Variants in DMD observed in about 807,000 individuals in gnomAD.
The protein encoded by DMD is dystrophin.
DMD carries 63 observed loss-of-function variants against 330.1 expected under a neutral mutation model. That is an observed-to-expected ratio of 0.19 (90% confidence interval 0.16 to 0.24). The LOEUF (loss-of-function observed/expected upper bound fraction) is 0.24, where lower values mean the gene tolerates loss of function less well. Among genes scored for constraint, DMD ranks in the 10% least tolerant of loss-of-function variants. DMD has a pLI of 1.00. For missense variants in DMD, 3,344 were observed against 2,684.1 expected (o/e 1.25, Z -5.43); for synonymous variants, 1,223 against 959.8 (o/e 1.27, Z -5.07).
intron 1 of DMD, among the ~76,000 whole-genome samples, chrX:33,246,309 T>C (rs1186163429): frequency 8.9e-6 from 1 of 111,856 alleles, no homozygotes; most frequent in African/African-American, 3.3e-5. Flanking sequence ...CATTCTGCCA[T>C]CTAGTCCTCA....
At chrX:33,305,338 G>A (rs1382088122) in intron 1 of DMD, among the ~76,000 whole-genome samples, 1 of 102,239 alleles carries the variant, frequency 9.8e-6, no homozygotes, top group East Asian at 3.1e-4. Flanking sequence ...AACACCGCAT[G>A]TTCTCACTCA....
At chrX:31,737,337 G>A (rs1441565424) in intron 51 of DMD, among the ~76,000 whole-genome samples, 1 of 112,603 alleles carries the variant, frequency 8.9e-6, no homozygotes, top group East Asian at 2.8e-4. Flanking sequence ...ATACAAAAGG[G>A]GAAATTAACT....
intron 2 of DMD, among the ~76,000 whole-genome samples, chrX:33,001,008 G>T (rs4110512): frequency 0.4 from 43,416 of 109,761 alleles, 6,486 homozygotes; most frequent in East Asian, 0.48. Context: ...TTATTCCATT[G>T]TTTATTATAA....
chrX:31,420,513 C>T (rs1255639568), intron 60 of DMD, among the ~76,000 whole-genome samples: 1 of 112,378 alleles, frequency 8.9e-6, no homozygotes. Flanking sequence ...AAACTCTCAC[C>T]TGACATCTGT....
intron 53 of DMD, among the ~76,000 whole-genome samples, chrX:31,660,237 T>C (rs2081048272): frequency 8.9e-6 from 1 of 112,243 alleles, no homozygotes; most frequent in Non-Finnish European, 1.9e-5. Context: ...CCGCGTGGAA[T>C]GCCTGCCTTT....
rs773387216 is a variant in DMD, at chrX:31,323,636, C to A, written c.9186G>T (p.Glu3062Asp). 1.7e-6 allele frequency: 2 copies of A among 1,210,422 alleles called. No individual in the cohort carries two copies. The highest frequency in any genetic ancestry group is 2.2e-6 in the Non-Finnish European group (2 of 894,657). Residue 3062 changes from glutamate to aspartate, a missense_variant, in exon 62 of 79, where the codon GAG becomes GAT. Glu to Asp is a conservative substitution (Grantham distance 45). Coordinates refer to ENST00000357033, the MANE Select transcript of DMD (RefSeq NM_004006.3). ...FLSTSVQGPW[E>D]RAISPNKVPY... Reference sequence around the variant, plus strand: ...GCACTTTGTTTGGCGAGATGGCTCTCTCCCAGGGACCCTGGACAGACGCTG... The same window carrying A: ...GCACTTTGTTTGGCGAGATGGCTCTATCCCAGGGACCCTGGACAGACGCTG...
In DMD at chrX:32,011,433, G is replaced by T. The variant is rs1293896; in HGVS notation, c.6439-42919C>A. On this transcript the variant is annotated intron_variant, in intron 44 of 78. Coordinates refer to ENST00000357033, the MANE Select transcript of DMD (RefSeq NM_004006.3). Reference sequence around the variant, plus strand: ...TTTCCCTTAAGATCATGTCCCCCTGGGAACTACATTTCCCAGACTCATATG... The same window carrying T: ...TTTCCCTTAAGATCATGTCCCCCTGTGAACTACATTTCCCAGACTCATATG... Among the ~76,000 whole-genome samples, 6 of 110,655 alleles carry T rather than the reference G, an allele frequency of 5.4e-5. No individual in the cohort carries two copies. In the East Asian group the frequency reaches 1.4e-3, roughly 26 times the overall value.
chrX:32,373,434 C>T (rs1461088485), intron 34 of DMD, among the ~76,000 whole-genome samples: 1 of 108,730 alleles, frequency 9.2e-6, no homozygotes, highest in Non-Finnish European at 1.9e-5. Flanking sequence ...TTGTTCTAGG[C>T]TTTGTGAGCC....
intron 59 of DMD, among the ~76,000 whole-genome samples, chrX:31,466,575 T>C (rs965151218): frequency 8.9e-6 from 1 of 111,983 alleles, no homozygotes; most frequent in African/African-American, 3.2e-5. Flanking sequence ...CCTTGTAGTA[T>C]AGTTTGAAGT....
chrX:31,348,588 T>C lies in DMD; in HGVS notation c.9131A>G (p.Asp3044Gly). The C allele has an allele frequency of 8.3e-7, 1 of 1,211,337 alleles. No homozygotes were observed. The highest frequency in any genetic ancestry group is 1.1e-6 in the Non-Finnish European group (1 of 895,259). ...RVRQLHEAHRDFGPASQHFLS... is the reference protein window; with the variant it reads ...RVRQLHEAHRGFGPASQHFLS... ...AAAGTGCTGAGATGCTGGACCAAAG[T>C]CCCTGTGGGCTTCATGCAGCTGCCT... The change falls in exon 61 of 79, where the codon GAC becomes GGC. Residue 3044 changes from aspartate (D) to glycine (G), a missense_variant. Physicochemically the swap from Asp to Gly is moderately conservative, Grantham distance 94. Coordinates refer to ENST00000357033, the MANE Select transcript of DMD (RefSeq NM_004006.3).
At chrX:31,803,952 GC>G (rs1209238367) in intron 50 of DMD, among the ~76,000 whole-genome samples, 1 of 110,498 alleles carries the variant, frequency 9.0e-6, no homozygotes, top group Non-Finnish European at 1.9e-5. Flanking sequence ...ACCCACCTCG[GC>G]CCCCCAAAGT....
chrX:33,083,334 T>A (rs997787818), intron 1 of DMD, among the ~76,000 whole-genome samples: 1 of 112,281 alleles, frequency 8.9e-6, no homozygotes, highest in African/African-American at 3.2e-5. Flanking sequence ...AAAATACACA[T>A]AACAAAACAG....
intron 55 of DMD, among the ~76,000 whole-genome samples, chrX:31,546,676 G>A (rs991510696): frequency 4.5e-5 from 5 of 112,039 alleles, no homozygotes; most frequent in Non-Finnish European, 9.4e-5. Flanking sequence ...AATTACCAGG[G>A]CAGCCCTCTA....
intron 21 of DMD, among the ~76,000 whole-genome samples, chrX:32,480,524 G>A (rs1322972387): frequency 1.8e-5 from 2 of 110,546 alleles, no homozygotes; most frequent in African/African-American, 6.6e-5. Context: ...GTCTACGTGT[G>A]TATATACACA....
Position 32,448,610 on chromosome X carries a change from T to G in DMD, c.3632A>C (p.Glu1211Ala). 1 of 1,208,045 alleles carries G rather than the reference T, an allele frequency of 8.3e-7. No individual in the cohort carries two copies. Among genetic ancestry groups the G allele is most frequent in the Non-Finnish European group, 1.1e-6 (1 of 893,094 alleles). The change falls in exon 27 of 79, where the codon GAA (glutamate) becomes GCA (alanine). Residue 1211 changes from glutamate (E) to alanine (A), a missense_variant. Transcript: ENST00000357033. ...CTCAGTAAGGAGTTTCACTTTCGCT[T>G]CTTTTTGTTGGGCCTCTTCTTTAGC... ...KRAKEEAQQK[E>A]AKVKLLTESV...
intron 6 of DMD, among the ~76,000 whole-genome samples, chrX:32,809,919 C>CAAAAAA (rs55898363): frequency 1.2e-3 from 35 of 28,647 alleles, no homozygotes; most frequent in African/African-American, 2.3e-3. Context: ...TTGTTTCTAC[C>CAAAAAA]AAAAAAAAAA....
intron 25 of DMD, among the ~76,000 whole-genome samples, chrX:32,455,874 T>C (rs950946301): frequency 4.5e-5 from 5 of 111,383 alleles, no homozygotes; most frequent in Non-Finnish European, 9.5e-5. Context: ...CACGCATTTT[T>C]GAAAACTAAA....
At chrX:32,360,828 A>AAT in intron 37 of DMD, among the ~76,000 whole-genome samples, 1 of 108,513 alleles carries the variant, frequency 9.2e-6, no homozygotes, top group Admixed American at 1.0e-4. Flanking sequence ...TAATAATAAT[A>AAT]AATGAATATT....
chrX:32,620,291 T>A (rs1403317547), intron 11 of DMD, among the ~76,000 whole-genome samples: 1 of 111,865 alleles, frequency 8.9e-6, no homozygotes, highest in East Asian at 2.8e-4. Context: ...ACACTCTTCA[T>A]ATAAAATTAC....
Sources: allele counts gnomAD v4.1 joint callset (sites outside exome capture counted in the v4.1 genomes callset), GRCh38; gene constraint gnomAD v4.1.1; transcripts MANE v1.5; gene names NCBI Gene and HGNC (gene_info 2026-07-23, HGNC 2026-07-21).